Variants in MGAT5 observed in about 807,000 individuals in gnomAD.
MGAT5 encodes alpha-1,6-mannosylglycoprotein 6-beta-N-acetylglucosaminyltransferase A.
MGAT5 carries 30 observed loss-of-function variants against 94.3 expected under a neutral mutation model. The ratio of observed to expected loss-of-function variants is 0.32; its 90% confidence interval spans 0.24 to 0.43. MGAT5 has a LOEUF of 0.43. Ranked by LOEUF, MGAT5 falls within the 20% of genes least tolerant of loss-of-function variation. MGAT5 has a pLI of 1.00. For missense variants in MGAT5, 691 were observed against 905.5 expected (o/e 0.76, Z 3.04); for synonymous variants, 310 against 322.9 (o/e 0.96, Z 0.43).
intron 10 of MGAT5, among the ~76,000 whole-genome samples, chr2:134,362,784 G>A (rs1191584978): frequency 2.0e-5 from 3 of 152,224 alleles, no homozygotes; most frequent in African/African-American, 4.8e-5. Flanking sequence ...CTCTGCTTCT[G>A]GGAGGTAGTC....
In MGAT5 at chr2:134,188,037, T is replaced by TCCAGTA. The variant is rs150981969; in HGVS notation, c.-142-66221_-142-66216dup. On this transcript the variant is annotated intron_variant, in intron 1 of 16. Coordinates refer to the MGAT5 transcript ENST00000409645. ...GTGAAATTTGTCACTTTTATTCACA[T>TCCAGTA]CCAGTACCATCTAGCTGCTAATTTG... is the stretch of plus-strand genomic sequence containing the variant. 4.4e-3 allele frequency among the ~76,000 whole-genome samples: 674 copies of TCCAGTA among 152,338 alleles called. 7 individuals carry two copies. Among genetic ancestry groups the TCCAGTA allele is most frequent in the African/African-American group, 0.014 (602 of 41,564 alleles).
chr2:134,358,118 C>T (rs185617290), intron 9 of MGAT5, among the ~76,000 whole-genome samples: 1 of 151,308 alleles, frequency 6.6e-6, no homozygotes, highest in African/African-American at 2.4e-5. Context: ...ACCCACAAAT[C>T]TAGATTCTAC....
intron 1 of MGAT5, among the ~76,000 whole-genome samples, chr2:134,269,956 C>G (rs1170269015): frequency 6.6e-6 from 1 of 152,202 alleles, no homozygotes; most frequent in Non-Finnish European, 1.5e-5. Flanking sequence ...TTTTAAAAAA[C>G]TGGGACATGC....
chr2:134,311,988 GC>G (rs1686701184), intron 2 of MGAT5, among the ~76,000 whole-genome samples: 1 of 152,180 alleles, frequency 6.6e-6, no homozygotes, highest in African/African-American at 2.4e-5. Flanking sequence ...AGTGGCTTAT[GC>G]CTGTAATCCC....
intron 1 of MGAT5, among the ~76,000 whole-genome samples, chr2:134,160,866 T>C (rs1445744225): frequency 6.6e-6 from 1 of 152,260 alleles, no homozygotes; most frequent in African/African-American, 2.4e-5. Flanking sequence ...AGCATCTGGC[T>C]GGCTAGTGAG....
intron 2 of MGAT5, among the ~76,000 whole-genome samples, chr2:134,304,903 C>G (rs1320283512): frequency 6.6e-6 from 1 of 152,162 alleles, no homozygotes; most frequent in Non-Finnish European, 1.5e-5. Flanking sequence ...GGCATCCTAG[C>G]CAAGGACATT....
chr2:134,415,806 T>C (rs1217433921), intron 12 of MGAT5, among the ~76,000 whole-genome samples: 1 of 152,198 alleles, frequency 6.6e-6, no homozygotes, highest in East Asian at 1.9e-4. Context: ...TAGTGTGAGA[T>C]AAAGATTTGA....
At chr2:134,254,698 G>GC (rs2105514182) in intron 1 of MGAT5, 54 bp downstream of exon 1, 1 of 1,596,976 alleles carries the variant, frequency 6.3e-7, no homozygotes, top group Non-Finnish European at 8.5e-7. Context: ...CCTTGAAATG[G>GC]CCCTAGAAGC....
At chr2:134,241,473 C>T (rs544844285) in intron 1 of MGAT5, among the ~76,000 whole-genome samples, 1 of 152,268 alleles carries the variant, frequency 6.6e-6, no homozygotes, top group Non-Finnish European at 1.5e-5. Context: ...ATTTGGTCCC[C>T]ACACCAAATA....
At chr2:134,413,103 C>A in intron 12 of MGAT5, 88 bp downstream of exon 12, 3 of 1,449,234 alleles carry the variant, frequency 2.1e-6, no homozygotes, top group Non-Finnish European at 2.9e-6. Context: ...CTTCATCTAA[C>A]ATGATTGGGT....
In MGAT5 at chr2:134,449,614, TG is replaced by T. The variant is rs1685989942; in HGVS notation, c.*768del. 6.6e-6 allele frequency: 1 copy of T among 152,294 alleles called. No individual in the cohort carries two copies. Among genetic ancestry groups the T allele is most frequent in the South Asian group, 2.1e-4 (1 of 4,826 alleles). The allele number at this position is 152,294 out of a possible 1,614,324, so 9.4% of individuals were successfully genotyped here. A position where few individuals can be genotyped will look rare whatever the true frequency, so the allele number is the denominator to read the frequency against. On this transcript the variant is annotated 3_prime_UTR_variant, in exon 16 of 16. Coordinates refer to ENST00000281923, the MANE Select transcript of MGAT5 (RefSeq NM_002410.5). ...GAGGCCCCTTTCCTCCATGTCCCCA[TG>T]CCCAGACACATACCTTGGCCGTAAT... is the stretch of plus-strand genomic sequence containing the variant.
intron 1 of MGAT5, among the ~76,000 whole-genome samples, chr2:134,247,379 A>AAC (rs1553501133): frequency 6.6e-6 from 1 of 150,994 alleles, no homozygotes; most frequent in Non-Finnish European, 1.5e-5. Flanking sequence ...AAAAAACAAA[A>AAC]AAAAAACGTA....
intron 1 of MGAT5, among the ~76,000 whole-genome samples, chr2:134,192,692 A>G (rs1679289860): frequency 1.3e-5 from 2 of 151,912 alleles, no homozygotes; most frequent in South Asian, 2.1e-4. Context: ...TATTTTTATT[A>G]CTTTTTTAAA....
intron 10 of MGAT5, among the ~76,000 whole-genome samples, chr2:134,399,746 G>C (rs539480216): frequency 6.6e-6 from 1 of 152,130 alleles, no homozygotes; most frequent in East Asian, 1.9e-4. Context: ...AAGTGATCTC[G>C]ATCCAGTTCT....
intron 4 of MGAT5, among the ~76,000 whole-genome samples, chr2:134,334,773 G>A (rs1688237585): frequency 6.6e-6 from 1 of 152,028 alleles, no homozygotes; most frequent in Non-Finnish European, 1.5e-5. Context: ...TGGAGCTGCA[G>A]ATATTGCCTT....
At chr2:134,384,214 G>A (rs1411942958) in intron 10 of MGAT5, among the ~76,000 whole-genome samples, 30 of 137,832 alleles carry the variant, frequency 2.2e-4, no homozygotes, top group East Asian at 4.2e-4. Flanking sequence ...TCCGGCCCTT[G>A]AAAAAAAAAA....
intron 1 of MGAT5, among the ~76,000 whole-genome samples, chr2:134,177,076 C>CGGAT (rs1553488506): frequency 6.6e-6 from 1 of 151,004 alleles, no homozygotes; most frequent in Non-Finnish European, 1.5e-5. Flanking sequence ...CCACCATGAC[C>CGGAT]AGATATCTGA....
intron 1 of MGAT5, among the ~76,000 whole-genome samples, chr2:134,264,245 C>T (rs1683545141): frequency 6.6e-6 from 1 of 152,164 alleles, no homozygotes; most frequent in Non-Finnish European, 1.5e-5. Context: ...TGGTCTCAAA[C>T]TCCCGACCTC....
intron 1 of MGAT5, among the ~76,000 whole-genome samples, chr2:134,261,525 CTTT>C (rs1558740950): frequency 6.6e-6 from 1 of 152,120 alleles, no homozygotes; most frequent in Non-Finnish European, 1.5e-5. Flanking sequence ...TCTCTTCCTT[CTTT>C]GTTTGTAAAT....
Sources: allele counts gnomAD v4.1 joint callset (sites outside exome capture counted in the v4.1 genomes callset), GRCh38; gene constraint gnomAD v4.1.1; transcripts MANE v1.5; gene names NCBI Gene and HGNC (gene_info 2026-07-23, HGNC 2026-07-21).